Variants in KLHL21 observed in about 807,000 individuals in gnomAD.
KLHL21 encodes kelch like family member 21.
KLHL21 carries 42 observed loss-of-function variants against 44.1 expected under a neutral mutation model. The observed-to-expected ratio is 0.95, with a 90% CI of 0.74 to 1.23. KLHL21 has a LOEUF of 1.23. KLHL21 is among the 50% of genes most tolerant of loss of function. KLHL21 has a pLI of 0.00. For missense variants in KLHL21, 918 were observed against 889.1 expected (o/e 1.03, Z -0.41); for synonymous variants, 524 against 411.6 (o/e 1.27, Z -3.31).
chr1:6,596,394 G>A (rs1640927870), intron 2 of KLHL21, among the ~76,000 whole-genome samples: 1 of 152,306 alleles, frequency 6.6e-6, no homozygotes, highest in Admixed American at 6.5e-5. Flanking sequence ...GCGTGCTATT[G>A]CACTCCAGCC....
At chr1:6,598,906 A>C (rs578170217) in intron 2 of KLHL21, 141 bp downstream of exon 2, 2 of 880,686 alleles carry the variant, frequency 2.3e-6, no homozygotes, top group South Asian at 3.8e-5. Flanking sequence ...AACAAAAACA[A>C]AGAGACAGAC....
chr1:6,597,992 G>A (rs1640951343), intron 2 of KLHL21, among the ~76,000 whole-genome samples: 2 of 152,218 alleles, frequency 1.3e-5, no homozygotes, highest in African/African-American at 2.4e-5. Context: ...ATGATGACCC[G>A]CAGGCTGCCT....
chr1:6,598,893 C>T (rs1213041421), intron 2 of KLHL21, among the ~76,000 whole-genome samples, 154 bp downstream of exon 2: 2 of 152,168 alleles, frequency 1.3e-5, no homozygotes, highest in Non-Finnish European at 2.9e-5. Flanking sequence ...AAAAACAAAA[C>T]AAAACAAAAA....
In KLHL21 at chr1:6,601,968, G is replaced by A; in HGVS notation, c.850C>T (p.Leu284Phe). 1.3e-6 allele frequency: 2 copies of A among 1,557,224 alleles called. No individual in the cohort carries two copies. Among genetic ancestry groups the A allele is most frequent in the South Asian group, 1.2e-5 (1 of 84,652 alleles). Residue 284 changes from leucine (L) to phenylalanine (F), a missense_variant, in exon 1 of 4, where the codon CTC (leucine) becomes TTC (phenylalanine). Coordinates refer to ENST00000377658, the MANE Select transcript of KLHL21 (RefSeq NM_014851.4). ...PRMRPRPSTG[L>F]AEILVLVGGC... ...CCCACGAGCACGAGGATCTCGGCGA[G>A]ACCGGTGGACGGGCGAGGACGCATT...
In KLHL21 at chr1:6,595,515, G is replaced by C; in HGVS notation, c.1470C>G (p.Asn490Lys). Residue 490 changes from asparagine to lysine, a missense_variant, in exon 3 of 4, where the codon AAC becomes AAG. Coordinates refer to ENST00000377658, the MANE Select transcript of KLHL21 (RefSeq NM_014851.4). ...TCATGGACGGGATCTTGTCCCATTC[G>C]TTCCTCGTCGGGTTGTACACGTCCA... is the stretch of plus-strand genomic sequence containing the variant. ...AEVDVYNPTR[N>K]EWDKIPSMNQ... The C allele has an allele frequency of 1.2e-6, 2 of 1,614,104 alleles. No individual in the cohort carries two copies. The highest frequency in any genetic ancestry group is 1.7e-6 in the Non-Finnish European group (2 of 1,180,004).
At position 6,602,157 on chromosome 1, in the gene KLHL21, G is replaced by C; in HGVS notation, c.661C>G (p.Leu221Val). 2 of 1,427,928 alleles carry C rather than the reference G, an allele frequency of 1.4e-6. No homozygotes were observed. Among genetic ancestry groups the C allele is most frequent in the Admixed American group, 3.2e-5 (1 of 31,260 alleles). 88.5% of individuals were successfully genotyped at this position (1,427,928 alleles called of 1,614,324 possible). A position where few individuals can be genotyped will look rare whatever the true frequency, so the allele number is the denominator to read the frequency against. Reference sequence around the variant, plus strand: ...ACGAAGGGCAGGCGCACGGCCTCCAGCAGCTGCGGCCAGTGCGCGGCGCGG... The same window carrying C: ...ACGAAGGGCAGGCGCACGGCCTCCACCAGCTGCGGCCAGTGCGCGGCGCGG... ...PRRAAHWPQL[L>V]EAVRLPFVRR... Residue 221 changes from leucine (L) to valine (V), a missense_variant, in exon 1 of 4, where the codon CTG becomes GTG. Transcript: ENST00000377658.
intron 1 of KLHL21, among the ~76,000 whole-genome samples, chr1:6,601,471 G>A (rs1032962339): frequency 6.6e-6 from 1 of 152,192 alleles, no homozygotes; most frequent in East Asian, 1.9e-4. Context: ...AGGAGAAAAA[G>A]AAAGCACCCA....
At chr1:6,597,849 G>C (rs1025974553) in intron 2 of KLHL21, among the ~76,000 whole-genome samples, 6 of 152,366 alleles carry the variant, frequency 3.9e-5, no homozygotes, top group African/African-American at 1.4e-4. Context: ...GGCTGGGAGG[G>C]AGCAGCAGGA....
intron 2 of KLHL21, among the ~76,000 whole-genome samples, chr1:6,597,336 A>G (rs989955612): frequency 6.6e-6 from 1 of 152,110 alleles, no homozygotes; most frequent in Admixed American, 6.5e-5. Flanking sequence ...GGAGGGGAGG[A>G]GGACTCTCAA....
intron 1 of KLHL21, among the ~76,000 whole-genome samples, chr1:6,601,487 C>G (rs1440909382): frequency 2.6e-5 from 4 of 152,210 alleles, no homozygotes; most frequent in Non-Finnish European, 5.9e-5. Flanking sequence ...ACCCATTGTG[C>G]GGGGTGAATG....
Position 6,593,620 on chromosome 1 carries a change from C to CT in KLHL21, c.1538dup (p.Leu514AlafsTer12), listed in dbSNP as rs748109561. The stretch of plus-strand genomic sequence containing the variant: ...TGTCGTATCCCCCAGAGACGTACAG[C>CT]TTCCCCCCAAGGACGGCCAGGCTGC... On this transcript the variant is annotated frameshift_variant, in exon 4 of 4. Coordinates refer to ENST00000377658, the MANE Select transcript of KLHL21 (RefSeq NM_014851.4). LOFTEE classifies it high-confidence loss of function. The CT allele has an allele frequency of 6.2e-7, 1 of 1,601,442 alleles. No individual in the cohort carries two copies. Among genetic ancestry groups the CT allele is most frequent in the South Asian group, 1.1e-5 (1 of 90,120 alleles).
At chr1:6,595,440 C>T (rs765990050) in intron 3 of KLHL21, 45 bp downstream of exon 3, 1 of 1,595,712 alleles carries the variant, frequency 6.3e-7, no homozygotes, top group Admixed American at 1.7e-5. Context: ...GTTGCAAAAT[C>T]AGGACCAGCC....
chr1:6,594,089 C>T (rs765566748), intron 3 of KLHL21: 24 of 1,002,016 alleles, frequency 2.4e-5, no homozygotes, highest in African/African-American at 1.4e-4. Context: ...TTCCCAAATT[C>T]GCTATGACTA....
chr1:6,601,810 G>A lies in KLHL21; in HGVS notation c.1008C>T (p.Asp336=), dbSNP rs150174826. 4.4e-6 allele frequency: 7 copies of A among 1,579,464 alleles called. No homozygotes were observed. In the African/African-American group the frequency reaches 8.1e-5, roughly 18 times the overall value. ...TGGCCCACTCACCCGTCACGTAGAT[G>A]TCATTGCCCAGCGCCACGATGCTGT... ...GGYSIVALGN[D]IYVTGGSDGS... Residue 336 remains aspartate, a synonymous_variant, in exon 1 of 4, where the codon GAC becomes GAT. Coordinates refer to ENST00000377658, the MANE Select transcript of KLHL21 (RefSeq NM_014851.4).
rs1640880673 is a variant in KLHL21, at chr1:6,593,396, C to CG, written c.1762dup (p.Arg588ProfsTer8). 1 of 1,604,584 alleles carries CG rather than the reference C, an allele frequency of 6.2e-7. No homozygotes were observed. Among genetic ancestry groups the CG allele is most frequent in the African/African-American group, 1.3e-5 (1 of 74,696 alleles). ...CAGCTCATCGGGGTCCCGCGGCGGC[C>CG]GGGGTCGGCCTGGGTCCATGTCATC... On this transcript the variant is annotated frameshift_variant, in exon 4 of 4. Transcript: ENST00000377658. LOFTEE classifies it high-confidence loss of function.
Position 6,602,562 on chromosome 1 carries a change from T to C in KLHL21, c.256A>G (p.Met86Val), listed in dbSNP as rs1251008912. Reference sequence around the variant, plus strand: ...CTGAAGTCCAGCAGCAGCTGCAGCATGTCGGGAGGCACTCCGTGCAGGCGC... The same window carrying C: ...CTGAAGTCCAGCAGCAGCTGCAGCACGTCGGGAGGCACTCCGTGCAGGCGC... ...RVRLHGVPPD[M>V]LQLLLDFSYT... is the part of the protein sequence containing the mutation. Residue 86 changes from methionine (M) to valine (V), a missense_variant, in exon 1 of 4, where the codon ATG becomes GTG. Coordinates refer to ENST00000377658, the MANE Select transcript of KLHL21 (RefSeq NM_014851.4). 2.0e-6 allele frequency: 3 copies of C among 1,535,776 alleles called. No homozygotes were observed. The highest frequency in any genetic ancestry group is 3.9e-5 in the Admixed American group (2 of 50,988).
intron 2 of KLHL21, among the ~76,000 whole-genome samples, chr1:6,598,813 G>A (rs890187005): frequency 6.6e-6 from 1 of 152,224 alleles, no homozygotes; most frequent in African/African-American, 2.4e-5. Context: ...AACCCGGAAG[G>A]TGGAGCTTGC....
At position 6,602,171 on chromosome 1, in the gene KLHL21, TGCGCG is replaced by T. The variant is rs1370736854; in HGVS notation, c.642_646del (p.Ala215LeufsTer83). 1.8e-5 allele frequency: 26 copies of T among 1,429,178 alleles called. No homozygotes were observed. The highest frequency in any genetic ancestry group is 9.6e-5 in the Admixed American group (3 of 31,174). The allele number at this position is 1,429,178 out of a possible 1,614,324, so 88.5% of individuals were successfully genotyped here. A position where few individuals can be genotyped will look rare whatever the true frequency, so the allele number is the denominator to read the frequency against. On this transcript the variant is annotated frameshift_variant, in exon 1 of 4. Transcript: ENST00000377658. LOFTEE classifies it high-confidence loss of function. Reference sequence around the variant, plus strand: ...CACGGCCTCCAGCAGCTGCGGCCAGTGCGCGGCGCGGCGCGGCGGGTCAGCGCGGA... The same window carrying T: ...CACGGCCTCCAGCAGCTGCGGCCAGTGCGCGGCGCGGCGGGTCAGCGCGGA...
rs779454065 is a variant in KLHL21 at position 6,593,459 on chromosome 1, A to G, written c.1700T>C (p.Phe567Ser). Residue 567 changes from phenylalanine (F) to serine (S), a missense_variant, in exon 4 of 4, where the codon TTC becomes TCC. Transcript: ENST00000377658. Reference protein sequence around the residue: ...SIFRQFMPQTFSGGRGFELDS... With the variant: ...SIFRQFMPQTSSGGRGFELDS... ...CAACTCGAAGCCACGCCCACCCGAG[A>G]AGGTCTGGGGCATGAACTGGCGGAA... 13 of 1,613,466 alleles carry G rather than the reference A, an allele frequency of 8.1e-6. No homozygotes were observed. In the South Asian group the frequency reaches 1.1e-4, roughly 14 times the overall value.
Sources: gnomAD v4.1 joint callset for allele counts (sites outside exome capture counted in the v4.1 genomes callset) on GRCh38, gnomAD v4.1.1 for gene constraint, MANE v1.5 for transcripts, NCBI Gene and HGNC (gene_info 2026-07-23, HGNC 2026-07-21) for gene names.